The following ZNF480 variants were observed in gnomAD, a reference collection of about 807,000 sequenced individuals.
ZNF480 encodes zinc finger protein 480.
In ZNF480, 15 loss-of-function variants were observed where a neutral mutation model predicts 14.4. The ratio of observed to expected loss-of-function variants is 1.04; its 90% CI spans 0.70 to 1.60. The LOEUF (loss-of-function observed/expected upper bound fraction) is 1.60. Among genes scored for constraint, ZNF480 ranks in the 40% most tolerant of loss-of-function variants. The probability of loss-of-function intolerance (pLI) is 0.00; values close to 1 mark genes in which losing one functional copy is unlikely to be tolerated. For synonymous variants in ZNF480, 218 were observed against 215.5 expected, an observed-to-expected ratio of 1.01 and a Z score of -0.10; for missense variants, 593 against 629.7, an observed-to-expected ratio of 0.94 and a Z score of 0.62.
intron 2 of ZNF480, among the ~76,000 whole-genome samples, chr19:52,313,280 G>A (rs1463206825): frequency 6.6e-6 from 1 of 151,660 alleles, no homozygotes; most frequent in East Asian, 1.9e-4. Flanking sequence ...GGGATTAACA[G>A]GTGCATACCA....
At position 52,315,979 on chromosome 19, in the gene ZNF480, G is replaced by C; in HGVS notation, c.328+17G>C. The C allele has an allele frequency of 6.3e-7, 1 of 1,579,864 alleles. No homozygotes were observed. Among genetic ancestry groups the C allele is most frequent in the Non-Finnish European group, 8.6e-7 (1 of 1,160,696 alleles). On this transcript the variant is annotated intron_variant, in intron 4 of 4. Coordinates refer to ENST00000595962, the MANE Select transcript of ZNF480 (RefSeq NM_144684.4). ...TGAACACAGGTAAGAGCTCAGATGG[G>C]CATGGTGGAAGCCATGCTGTTGTTT...
intron 3 of ZNF480, among the ~76,000 whole-genome samples, 189 bp downstream of exon 3, chr19:52,314,468 C>T (rs542565147): frequency 5.8e-5 from 7 of 121,388 alleles, no homozygotes; most frequent in Middle Eastern, 4.5e-3. Flanking sequence ...AGTGAAACTC[C>T]GTCCCAAAAA....
At chr19:52,310,475 AT>A (rs1000739234) in intron 2 of ZNF480, among the ~76,000 whole-genome samples, 356 of 146,694 alleles carry the variant, frequency 2.4e-3, no homozygotes, top group East Asian at 9.7e-3. Context: ...ACCCCAACTA[AT>A]TTTTTTTTTT....
In ZNF480 at chr19:52,309,677, C is replaced by T. The variant is rs548564726; in HGVS notation, c.73-4476C>T. ...ATGCCTGGGCAGGGGTTCTGGTGGG[C>T]GTGTGTCACATTTTCACACTCAGCT... On this transcript the variant is annotated intron_variant, in intron 2 of 4. Coordinates refer to ENST00000595962, the MANE Select transcript of ZNF480 (RefSeq NM_144684.4). Among the ~76,000 whole-genome samples, 26 of 152,282 alleles carry T rather than the reference C, an allele frequency of 1.7e-4. No individual in the cohort carries two copies. The South Asian group carries it at 4.4e-3, about 26-fold the overall frequency.
intron 2 of ZNF480, chr19:52,301,067 A>G (rs1030076278): frequency 1.3e-5 from 2 of 152,860 alleles, no homozygotes; most frequent in African/African-American, 4.8e-5. Flanking sequence ...CTTATGGCCA[A>G]TTTCTTTAAA....
intron 4 of ZNF480, among the ~76,000 whole-genome samples, chr19:52,316,562 A>G (rs12978395): frequency 3.9e-5 from 6 of 152,038 alleles, no homozygotes; most frequent in South Asian, 2.1e-4. Context: ...GGGTCTTGCT[A>G]TGTTGATTTT....
chr19:52,314,328 A>C, intron 3 of ZNF480, 49 bp downstream of exon 3: 3 of 1,444,808 alleles, frequency 2.1e-6, no homozygotes, highest in Non-Finnish European at 2.8e-6. Context: ...TGGTTATTTC[A>C]GCATTTTCCC....
chr19:52,316,143 A>G (rs990575951), intron 4 of ZNF480, among the ~76,000 whole-genome samples, 181 bp downstream of exon 4: 3 of 152,124 alleles, frequency 2.0e-5, no homozygotes, highest in Admixed American at 6.6e-5. Context: ...AAATAAATAA[A>G]TAATTTTTTT....
intron 2 of ZNF480, among the ~76,000 whole-genome samples, chr19:52,304,746 C>A (rs186343670): frequency 6.6e-6 from 1 of 152,130 alleles, no homozygotes; most frequent in African/African-American, 2.4e-5. Context: ...CTGGAATGAA[C>A]GCTTGTGCTC....
rs376748413 is a variant in ZNF480, at chr19:52,315,814, A to ATT, written c.200-10_200-9dup. Reference sequence around the variant, plus strand: ...TTTGGAGATGCTACAGCACATTTTGATTTTTTTTTTTACAAACAGGAATCT... The same window carrying ATT: ...TTTGGAGATGCTACAGCACATTTTGATTTTTTTTTTTTTACAAACAGGAATCT... On this transcript the variant is annotated intron_variant, in intron 3 of 4. Transcript: ENST00000595962. 4.1e-5 allele frequency: 52 copies of ATT among 1,277,578 alleles called. No homozygotes were observed. The highest frequency in any genetic ancestry group is 5.2e-5 in the Non-Finnish European group (48 of 931,234). 79.1% of individuals were successfully genotyped at this position (1,277,578 alleles called of 1,614,324 possible).
At chr19:52,320,893 G>A (rs555145953) in intron 4 of ZNF480, among the ~76,000 whole-genome samples, 15 of 152,188 alleles carry the variant, frequency 9.9e-5, no homozygotes, top group Non-Finnish European at 1.9e-4. Flanking sequence ...AGGAGAGATC[G>A]CTTGAGCTGG....
At position 52,315,974 on chromosome 19, in the gene ZNF480, G is replaced by C. The variant is rs1324371378; in HGVS notation, c.328+12G>C. ...AGGTGTGAACACAGGTAAGAGCTCA[G>C]ATGGGCATGGTGGAAGCCATGCTGT... On this transcript the variant is annotated intron_variant, in intron 4 of 4. Coordinates refer to ENST00000595962, the MANE Select transcript of ZNF480 (RefSeq NM_144684.4). The C allele has an allele frequency of 1.3e-6, 2 of 1,594,302 alleles. No homozygotes were observed. The highest frequency in any genetic ancestry group is 4.5e-5 in the East Asian group (2 of 44,736).
Position 52,321,721 on chromosome 19 carries a change from T to C in ZNF480, c.471T>C (p.Phe157=). Residue 157 remains phenylalanine (F), a synonymous_variant, in exon 5 of 5, where the codon TTT becomes TTC. Transcript: ENST00000595962. The part of the protein sequence containing the change: ...VINGCNQVEN[F]INHSSSVSCL... ...ATGGATGTAATCAAGTTGAAAACTT[T>C]ATCAACCACAGTTCCTCTGTTTCCT... 1.2e-6 allele frequency: 2 copies of C among 1,614,112 alleles called. No individual in the cohort carries two copies. Among genetic ancestry groups the C allele is most frequent in the Non-Finnish European group, 1.7e-6 (2 of 1,179,994 alleles).
At chr19:52,305,489 C>G (rs1015908820) in intron 2 of ZNF480, among the ~76,000 whole-genome samples, 1 of 152,190 alleles carries the variant, frequency 6.6e-6, no homozygotes, top group Non-Finnish European at 1.5e-5. Flanking sequence ...GTGCTATGGG[C>G]TCTCCTGGCT....
In ZNF480 at chr19:52,310,535, T is replaced by A. The variant is rs149280181; in HGVS notation, c.73-3618T>A. ...CCCAGGCATCCTGTGCAGTGGTGAT[T>A]GGCTGCAGCACAGACCAGCCCCCTT... On this transcript the variant is annotated intron_variant, in intron 2 of 4. Transcript: ENST00000595962. Among the ~76,000 whole-genome samples, 759 of 152,180 alleles carry A rather than the reference T, an allele frequency of 5.0e-3. 11 individuals carry two copies. Among genetic ancestry groups the A allele is most frequent in the East Asian group, 0.029 (151 of 5,184 alleles).
At chr19:52,309,287 C>G (rs550796016) in intron 2 of ZNF480, among the ~76,000 whole-genome samples, 1 of 152,316 alleles carries the variant, frequency 6.6e-6, no homozygotes, top group Non-Finnish European at 1.5e-5. Context: ...CTCGCCTTGT[C>G]TGGGATGTGT....
intron 4 of ZNF480, 59 bp downstream of exon 4, chr19:52,316,021 T>C: frequency 6.7e-7 from 1 of 1,481,994 alleles, no homozygotes; most frequent in East Asian, 2.3e-5. Flanking sequence ...TTTTTTTGTT[T>C]TGTTTTGTCT....
intron 1 of ZNF480, among the ~76,000 whole-genome samples, chr19:52,298,624 TC>T (rs899731139): frequency 7.1e-6 from 1 of 141,392 alleles, no homozygotes; most frequent in African/African-American, 2.7e-5. Context: ...AGAGCAAAAC[TC>T]CGTCTCAGGG....
intron 2 of ZNF480, among the ~76,000 whole-genome samples, chr19:52,302,637 C>T (rs1445860145): frequency 6.6e-6 from 1 of 152,232 alleles, no homozygotes; most frequent in East Asian, 1.9e-4. Flanking sequence ...GGTATCTACA[C>T]ATACATGCAC....
Sources: allele counts gnomAD v4.1 joint callset (sites outside exome capture counted in the v4.1 genomes callset), GRCh38; gene constraint gnomAD v4.1.1; transcripts MANE v1.5; gene names NCBI Gene and HGNC (gene_info 2026-07-23, HGNC 2026-07-21).